RNF220: variants seen among roughly 807,000 people sequenced by gnomAD.
RNF220 encodes E3 ubiquitin-protein ligase RNF220.
In RNF220, 7 loss-of-function variants were observed where a neutral mutation model predicts 67.1. The ratio of observed to expected loss-of-function variants is 0.10; its 90% confidence interval spans 0.06 to 0.20. RNF220 has a LOEUF of 0.20. Among genes scored for constraint, RNF220 ranks in the 10% least tolerant of loss-of-function variants. The pLI is 1.00. For synonymous variants in RNF220, 270 were observed against 283.2 expected (o/e 0.95, Z 0.47); for missense variants, 565 against 740.3 (o/e 0.76, Z 2.75).
In RNF220 at chr1:44,589,396, T is replaced by C. The variant is rs183009965; in HGVS notation, c.626-24769T>C. 9.9e-3 allele frequency among the ~76,000 whole-genome samples: 1,511 copies of C among 152,112 alleles called. 34 individuals carry two copies. The highest frequency in any genetic ancestry group is 0.034 in the African/African-American group (1,427 of 41,482). On this transcript the variant is annotated intron_variant, in intron 2 of 14. Coordinates refer to ENST00000361799, the MANE Select transcript of RNF220 (RefSeq NM_018150.4). The stretch of plus-strand genomic sequence containing the variant: ...TTGGGAGGCCGAGGTGGGCGGATCA[T>C]GAGGTCAGGAGATCGAGACCATCCT...
At chr1:44,563,874 C>A (rs1663781478) in intron 2 of RNF220, among the ~76,000 whole-genome samples, 1 of 152,180 alleles carries the variant, frequency 6.6e-6, no homozygotes, top group African/African-American at 2.4e-5. Context: ...CTTGCATGAG[C>A]CCCTTAGGGT....
At chr1:44,462,850 G>A (rs56855065) in intron 2 of RNF220, among the ~76,000 whole-genome samples, 56,361 of 151,162 alleles carry the variant, frequency 0.37, 10,756 homozygotes, top group South Asian at 0.47. Context: ...AACATGGTGA[G>A]ACCCTGTCTC....
chr1:44,465,619 T>C lies in RNF220; in HGVS notation c.625+52897T>C, dbSNP rs545237819. On this transcript the variant is annotated intron_variant, in intron 2 of 14. Transcript: ENST00000361799. Reference sequence around the variant, plus strand: ...AGATTGGCAGAGATCAAAAAGGTTTTAATAGTGCACAAGTATACCTTAGAG... The same window carrying C: ...AGATTGGCAGAGATCAAAAAGGTTTCAATAGTGCACAAGTATACCTTAGAG... 2.2e-4 allele frequency among the ~76,000 whole-genome samples: 34 copies of C among 152,252 alleles called. No individual in the cohort carries two copies. The South Asian group carries it at 6.8e-3, about 31-fold the overall frequency.
chr1:44,466,706 A>G (rs1008906451), intron 2 of RNF220, among the ~76,000 whole-genome samples: 1 of 152,196 alleles, frequency 6.6e-6, no homozygotes, highest in African/African-American at 2.4e-5. Context: ...TGTCAATAAG[A>G]GAAATATTTT....
At chr1:44,519,708 C>T (rs1461470258) in intron 2 of RNF220, among the ~76,000 whole-genome samples, 1 of 152,216 alleles carries the variant, frequency 6.6e-6, no homozygotes, top group Non-Finnish European at 1.5e-5. Flanking sequence ...CCCTCCATCT[C>T]TCCATGTAGA....
intron 2 of RNF220, among the ~76,000 whole-genome samples, chr1:44,520,420 C>T (rs901808631): frequency 2.0e-4 from 30 of 152,026 alleles, no homozygotes; most frequent in African/African-American, 5.8e-4. Context: ...GAGCCGAGAT[C>T]GCACCACTGC....
intron 2 of RNF220, among the ~76,000 whole-genome samples, chr1:44,413,564 T>C (rs1467021444): frequency 6.6e-6 from 1 of 152,226 alleles, no homozygotes; most frequent in African/African-American, 2.4e-5. Context: ...TTTGCTCTAA[T>C]ATAATCAGAA....
intron 2 of RNF220, among the ~76,000 whole-genome samples, chr1:44,506,086 T>C (rs1331610268): frequency 6.6e-6 from 1 of 152,220 alleles, no homozygotes; most frequent in African/African-American, 2.4e-5. Context: ...GATAAACACA[T>C]AAAAGATGCC....
At chr1:44,591,116 G>A (rs148466637) in intron 2 of RNF220, among the ~76,000 whole-genome samples, 167 of 151,954 alleles carry the variant, frequency 1.1e-3, no homozygotes, top group African/African-American at 3.8e-3. Context: ...CACCCACCAC[G>A]CCATTTTTAT....
chr1:44,412,170 C>T lies in RNF220; in HGVS notation c.73C>T (p.Leu25=), dbSNP rs766296645. Residue 25 remains leucine, a synonymous_variant, in exon 2 of 15, where the codon CTG becomes TTG. Coordinates refer to ENST00000361799, the MANE Select transcript of RNF220 (RefSeq NM_018150.4). The surrounding 1 kb of genome is among the most constrained non-coding windows in gnomAD (Gnocchi z 5.3). ...YLPNPLASPA[L]MVLASTAEAS... ...TCCCAACCCTCTGGCATCCCCAGCA[C>T]TGATGGTCCTGGCATCCACGGCTGA... 2.5e-6 allele frequency: 4 copies of T among 1,614,234 alleles called. No homozygotes were observed. Among genetic ancestry groups the T allele is most frequent in the African/African-American group, 2.7e-5 (2 of 75,064 alleles).
chr1:44,464,569 T>C (rs1264622989), intron 2 of RNF220, among the ~76,000 whole-genome samples: 2 of 152,224 alleles, frequency 1.3e-5, no homozygotes, highest in Non-Finnish European at 2.9e-5. Flanking sequence ...AAAGCACATC[T>C]GTGTGGCAGA....
At chr1:44,612,761 A>AC (rs1233081083) in intron 2 of RNF220, among the ~76,000 whole-genome samples, 1 of 29,598 alleles carries the variant, frequency 3.4e-5, no homozygotes, top group Non-Finnish European at 1.7e-4. Flanking sequence ...ACATGCTTAT[A>AC]CAAAAAAAAA....
chr1:44,442,423 G>A (rs944064856), intron 2 of RNF220, among the ~76,000 whole-genome samples: 12 of 151,902 alleles, frequency 7.9e-5, no homozygotes, highest in Admixed American at 5.3e-4. Context: ...GATTACAGGT[G>A]TGAGCCACCG....
At chr1:44,418,478 C>T (rs1307767669) in intron 2 of RNF220, among the ~76,000 whole-genome samples, 2 of 152,174 alleles carry the variant, frequency 1.3e-5, no homozygotes, top group Non-Finnish European at 2.9e-5. Context: ...TGCTGGCATT[C>T]GGGCAAGGCG....
At chr1:44,511,014 G>C (rs1658942704) in intron 2 of RNF220, among the ~76,000 whole-genome samples, 1 of 152,202 alleles carries the variant, frequency 6.6e-6, no homozygotes, top group South Asian at 2.1e-4. Context: ...CTCTCGCAGT[G>C]GGGGGATGAC....
At position 44,610,345 on chromosome 1, in the gene RNF220, G is replaced by A. The variant is rs1336431791; in HGVS notation, c.626-3820G>A. 3.3e-5 allele frequency among the ~76,000 whole-genome samples: 5 copies of A among 152,174 alleles called. No homozygotes were observed. The East Asian group carries it at 7.7e-4, about 23-fold the overall frequency. On this transcript the variant is annotated intron_variant, in intron 2 of 14. Transcript: ENST00000361799. The stretch of plus-strand genomic sequence containing the variant: ...GCAGGAACGGCAAGCGCCCGCACCC[G>A]CCATCCTCTGCCGATAACACTGGGC...
intron 2 of RNF220, among the ~76,000 whole-genome samples, chr1:44,449,991 C>G (rs1259665280): frequency 6.6e-6 from 1 of 152,182 alleles, no homozygotes; most frequent in Admixed American, 6.5e-5. Flanking sequence ...GCAGGCAGAT[C>G]ATCTGAGGTT....
At chr1:44,461,705 G>C (rs1254410868) in intron 2 of RNF220, among the ~76,000 whole-genome samples, 1 of 151,996 alleles carries the variant, frequency 6.6e-6, no homozygotes, top group Admixed American at 6.6e-5. Context: ...GCTTGTCAGG[G>C]GACATGAATG....
intron 2 of RNF220, among the ~76,000 whole-genome samples, chr1:44,530,606 G>A (rs994695199): frequency 2.6e-5 from 4 of 151,268 alleles, no homozygotes; most frequent in Non-Finnish European, 5.9e-5. Flanking sequence ...CTCCAGTATT[G>A]GAAATGATGC....
Sources: gnomAD v4.1 joint callset for allele counts (sites outside exome capture counted in the v4.1 genomes callset) on GRCh38, gnomAD v4.1.1 for gene constraint, Gnocchi (gnomAD v3.1) non-coding constraint, MANE v1.5 for transcripts, NCBI Gene and HGNC (gene_info 2026-07-23, HGNC 2026-07-21) for gene names.